SLC8A1: variants seen among roughly 807,000 people sequenced by gnomAD.
SLC8A1 encodes the protein solute carrier family 8 member A1.
SLC8A1 carries 18 observed loss-of-function variants against 68.3 expected under a neutral mutation model. The ratio of observed to expected loss-of-function variants is 0.26; its 90% CI spans 0.18 to 0.39. The LOEUF is 0.39. SLC8A1 is among the 10% of genes least tolerant of loss of function. SLC8A1 has a pLI of 1.00. For synonymous variants in SLC8A1, 475 were observed against 415.5 expected (o/e 1.14, Z -1.74); for missense variants, 985 against 1,156.7 (o/e 0.85, Z 2.15).
At chr2:40,116,625 C>G (rs2035471501) in intron 7 of SLC8A1, among the ~76,000 whole-genome samples, 1 of 151,958 alleles carries the variant, frequency 6.6e-6, no homozygotes, top group Non-Finnish European at 1.5e-5. Context: ...GGGAACGAGG[C>G]TTAGAGATGA....
chr2:40,105,393 A>G (rs1286494906), exon 8 of SLC8A1: 2 of 152,254 alleles, frequency 1.3e-5, no homozygotes, highest in African/African-American at 4.8e-5. Context: ...CTTTGGGTAA[A>G]GGTATAGTAA....
chr2:40,293,358 G>A (rs1265264574), intron 2 of SLC8A1, among the ~76,000 whole-genome samples: 5 of 152,092 alleles, frequency 3.3e-5, no homozygotes, highest in Non-Finnish European at 7.4e-5. Context: ...GTAAATAAAT[G>A]AAGACTGCAA....
intron 7 of SLC8A1, among the ~76,000 whole-genome samples, chr2:40,137,773 C>A (rs1004595490): frequency 6.6e-6 from 1 of 152,114 alleles, no homozygotes; most frequent in African/African-American, 2.4e-5. Context: ...AACTGAACGA[C>A]TTCAAACAGC....
chr2:40,274,056 C>T (rs1008798427), intron 2 of SLC8A1, among the ~76,000 whole-genome samples: 5 of 151,156 alleles, frequency 3.3e-5, no homozygotes, highest in African/African-American at 1.2e-4. Flanking sequence ...AAAAAGGCAT[C>T]GAGCACTGCT....
At position 40,215,577 on chromosome 2, in the gene SLC8A1, C is replaced by T. The variant is rs943170546; in HGVS notation, c.1809-37722G>A. On this transcript the variant is annotated intron_variant, in intron 2 of 7. Coordinates refer to ENST00000406785, the Ensembl canonical transcript of SLC8A1. ...GCGTGAACCCGGGAAGCGGAGCTTG[C>T]AGTGAGCCGAGATTGTGCCACTGCA... is the stretch of plus-strand genomic sequence containing the variant. Among the ~76,000 whole-genome samples, 3 of 142,450 alleles carry T rather than the reference C, an allele frequency of 2.1e-5. No homozygotes were observed. The South Asian group carries it at 6.5e-4, about 31-fold the overall frequency. The allele number at this position is 142,450 out of a possible 152,430, so 93.5% of individuals were successfully genotyped here.
intron 2 of SLC8A1, among the ~76,000 whole-genome samples, chr2:40,319,447 C>T (rs1474782033): frequency 6.6e-6 from 1 of 152,070 alleles, no homozygotes; most frequent in African/African-American, 2.4e-5. Flanking sequence ...TCAATTAATT[C>T]TTGGAGCTTC....
At chr2:40,298,697 A>G (rs1238474476) in intron 2 of SLC8A1, among the ~76,000 whole-genome samples, 4 of 152,230 alleles carry the variant, frequency 2.6e-5, no homozygotes, top group Non-Finnish European at 5.9e-5. Context: ...TAAAATGGTA[A>G]CATACGTGCT....
In SLC8A1 at chr2:40,367,725, C is replaced by T. The variant is rs143804178; in HGVS notation, c.1808+60748G>A. Among the ~76,000 whole-genome samples the T allele has an allele frequency of 1.8e-3, 279 of 152,036 alleles. 1 individual carries two copies. The highest frequency in any genetic ancestry group is 6.5e-3 in the African/African-American group (271 of 41,508). On this transcript the variant is annotated intron_variant, in intron 2 of 7. Transcript: ENST00000406785. ...ATCTAATACTCAAGCTGTGGCCTAT[C>T]CAGTACAACATGTAGCGAGACAATA... is the stretch of plus-strand genomic sequence containing the variant.
At chr2:40,162,644 C>G (rs2045885112) in intron 5 of SLC8A1, among the ~76,000 whole-genome samples, 1 of 152,126 alleles carries the variant, frequency 6.6e-6, no homozygotes, top group Non-Finnish European at 1.5e-5. Context: ...TCATATGTAT[C>G]CTTCCTTGAC....
At chr2:40,386,064 T>C (rs1004344221) in intron 2 of SLC8A1, among the ~76,000 whole-genome samples, 9 of 151,268 alleles carry the variant, frequency 5.9e-5, no homozygotes, top group Non-Finnish European at 1.2e-4. Flanking sequence ...AAATAAATGC[T>C]ACTATGTGTT....
chr2:40,154,839 T>A (rs2044171812), intron 6 of SLC8A1, among the ~76,000 whole-genome samples: 1 of 151,646 alleles, frequency 6.6e-6, no homozygotes, highest in Non-Finnish European at 1.5e-5. Context: ...TAATTTTTTA[T>A]TTTTTTGTAG....
At chr2:40,474,118 A>T (rs974670000) in intron 1 of SLC8A1, among the ~76,000 whole-genome samples, 3 of 152,160 alleles carry the variant, frequency 2.0e-5, no homozygotes, top group African/African-American at 4.8e-5. Flanking sequence ...CTATCTCCTT[A>T]CAAGACTGGC....
At chr2:40,418,001 T>C (rs1200966705) in intron 2 of SLC8A1, among the ~76,000 whole-genome samples, 2 of 152,118 alleles carry the variant, frequency 1.3e-5, no homozygotes, top group South Asian at 2.1e-4. Flanking sequence ...GAATTGATCA[T>C]AGAATTAATA....
At chr2:40,237,968 A>T (rs2060637371) in intron 2 of SLC8A1, among the ~76,000 whole-genome samples, 1 of 151,706 alleles carries the variant, frequency 6.6e-6, no homozygotes, top group Admixed American at 6.6e-5. Flanking sequence ...CCGTTCTCAG[A>T]TCTCCAGCTG....
At chr2:40,172,716 G>A (rs2047719088) in intron 4 of SLC8A1, among the ~76,000 whole-genome samples, 1 of 152,154 alleles carries the variant, frequency 6.6e-6, no homozygotes, top group South Asian at 2.1e-4. Flanking sequence ...GCCGAGGTGG[G>A]TGGATCACGA....
At chr2:40,235,510 C>G (rs1195219170) in intron 2 of SLC8A1, among the ~76,000 whole-genome samples, 1 of 151,818 alleles carries the variant, frequency 6.6e-6, no homozygotes, top group African/African-American at 2.4e-5. Flanking sequence ...ATTAGTCTTG[C>G]TAGTGGTCTA....
In SLC8A1 at chr2:40,356,671, G is replaced by A. The variant is rs1401078858; in HGVS notation, c.1808+71802C>T. The stretch of plus-strand genomic sequence containing the variant: ...GATGTTGGTTTCAAAATCACGTATG[G>A]CCCCATGCAGAGAAGGGTCCAGATG... On this transcript the variant is annotated intron_variant, in intron 2 of 7. Coordinates refer to ENST00000406785, the Ensembl canonical transcript of SLC8A1. Among the ~76,000 whole-genome samples, 4 of 151,926 alleles carry A rather than the reference G, an allele frequency of 2.6e-5. No homozygotes were observed. The East Asian group carries it at 7.7e-4, about 29-fold the overall frequency.
At chr2:40,483,706 A>T (rs993919564) in intron 1 of SLC8A1, among the ~76,000 whole-genome samples, 1 of 152,244 alleles carries the variant, frequency 6.6e-6, no homozygotes, top group Non-Finnish European at 1.5e-5. Context: ...AAACCTTCTT[A>T]AAAGATGGCT....
At chr2:40,376,242 A>G (rs567076300) in intron 2 of SLC8A1, among the ~76,000 whole-genome samples, 1 of 152,228 alleles carries the variant, frequency 6.6e-6, no homozygotes, top group African/African-American at 2.4e-5. Flanking sequence ...ACAATGTACA[A>G]TTTACATTGT....
Sources: gnomAD v4.1 joint callset for allele counts (sites outside exome capture counted in the v4.1 genomes callset) on GRCh38, gnomAD v4.1.1 for gene constraint, MANE v1.5 for transcripts, NCBI Gene and HGNC (gene_info 2026-07-23, HGNC 2026-07-21) for gene names.